STK4: variants seen among roughly 807,000 people sequenced by gnomAD.
The protein encoded by STK4 is serine/threonine kinase 4, also known as serine/threonine-protein kinase 4.
STK4 carries 30 observed loss-of-function variants against 64.9 expected under a neutral mutation model. That is an observed-to-expected ratio of 0.46 (90% CI 0.35 to 0.63). STK4 has a LOEUF of 0.63. Among genes scored for constraint, STK4 ranks in the 20% least tolerant of loss-of-function variants. STK4 has a pLI of 0.01. For missense variants in STK4, 466 were observed against 598.5 expected, an observed-to-expected ratio of 0.78 and a Z score of 2.31; for synonymous variants, 177 against 199.0, an observed-to-expected ratio of 0.89 and a Z score of 0.93.
chr20:45,054,321 T>C (rs1374898690), intron 10 of STK4, among the ~76,000 whole-genome samples: 1 of 152,168 alleles, frequency 6.6e-6, no homozygotes, highest in Non-Finnish European at 1.5e-5. Context: ...CCTAGCACTT[T>C]GAGAGGCCAA....
chr20:45,021,743 T>A lies in STK4; in HGVS notation c.1148-3230T>A, dbSNP rs78029833. Among the ~76,000 whole-genome samples, 304 of 152,376 alleles carry A rather than the reference T, an allele frequency of 2.0e-3. 1 individual carries two copies. The highest frequency in any genetic ancestry group is 6.8e-3 in the African/African-American group (282 of 41,590). On this transcript the variant is annotated intron_variant, in intron 9 of 10. Coordinates refer to ENST00000372806, the MANE Select transcript of STK4 (RefSeq NM_006282.5). ...ATATTTCTTGAGTCTTAACTATTTT[T>A]CACTTTGGTCTTTGCTTTATGCCTG...
chr20:45,008,938 C>A (rs2067997796), intron 9 of STK4, among the ~76,000 whole-genome samples: 1 of 151,816 alleles, frequency 6.6e-6, no homozygotes, highest in Non-Finnish European at 1.5e-5. Context: ...GGATATTAGA[C>A]CTTTGTTGAA....
At chr20:44,999,034 C>T (rs913899740) in intron 7 of STK4, among the ~76,000 whole-genome samples, 3 of 150,788 alleles carry the variant, frequency 2.0e-5, no homozygotes, top group African/African-American at 7.3e-5. Flanking sequence ...TGCCACTGCA[C>T]TCCAGTCTGG....
chr20:45,039,407 T>C (rs1008024112), intron 10 of STK4, among the ~76,000 whole-genome samples: 1 of 151,780 alleles, frequency 6.6e-6, no homozygotes, highest in Non-Finnish European at 1.5e-5. Context: ...CAGTGGTAGA[T>C]TCAAGTTTTC....
chr20:45,035,005 A>C (rs1384834740), intron 10 of STK4, among the ~76,000 whole-genome samples: 1 of 152,098 alleles, frequency 6.6e-6, no homozygotes, highest in Non-Finnish European at 1.5e-5. Flanking sequence ...TGTATATATA[A>C]TATAGATAAA....
At chr20:45,006,390 G>T (rs893767067) in intron 9 of STK4, among the ~76,000 whole-genome samples, 1 of 151,666 alleles carries the variant, frequency 6.6e-6, no homozygotes, top group Non-Finnish European at 1.5e-5. Flanking sequence ...GCATACGACT[G>T]CTCCGGGCTT....
At chr20:44,967,289 A>T (rs2067167261) in intron 1 of STK4, 2 of 964,262 alleles carry the variant, frequency 2.1e-6, no homozygotes, top group Non-Finnish European at 2.5e-6. Context: ...AGGAAATAAG[A>T]GGATATTTTC....
At chr20:44,982,138 A>T (rs1190805883) in intron 4 of STK4, among the ~76,000 whole-genome samples, 195 bp downstream of exon 4, 5 of 133,768 alleles carry the variant, frequency 3.7e-5, no homozygotes, top group Non-Finnish European at 6.3e-5. Context: ...TCAAGAGACC[A>T]GAGTCCCCTG....
chr20:45,052,672 G>T (rs1165269252), intron 10 of STK4, among the ~76,000 whole-genome samples: 1 of 152,132 alleles, frequency 6.6e-6, no homozygotes, highest in Non-Finnish European at 1.5e-5. Context: ...TTGAGTGTGT[G>T]AATTAAGCTG....
chr20:44,993,878 C>G (rs541208099), intron 5 of STK4, among the ~76,000 whole-genome samples: 1 of 152,018 alleles, frequency 6.6e-6, no homozygotes, highest in East Asian at 1.9e-4. Flanking sequence ...ACTTGGGAGA[C>G]TCAGTCAGGA....
rs1980447365 is a variant in STK4, at chr20:45,075,546, C to T, written c.*370C>T. ...AGACTTTTAAAAAAATATAAATATG[C>T]ATATATATATATAAATTATAAATAG... On this transcript the variant is annotated 3_prime_UTR_variant, in exon 11 of 11. Transcript: ENST00000372806. 1 of 155,694 alleles carries T rather than the reference C, an allele frequency of 6.4e-6. No individual in the cohort carries two copies. The allele number at this position is 155,694 out of a possible 1,614,324, so 9.6% of individuals were successfully genotyped here. A position where few individuals can be genotyped will look rare whatever the true frequency, so the allele number is the denominator to read the frequency against.
intron 9 of STK4, among the ~76,000 whole-genome samples, chr20:45,011,729 A>ATATATATATATT (rs60170856): frequency 5.2e-5 from 6 of 115,384 alleles, no homozygotes; most frequent in African/African-American, 2.2e-4. Flanking sequence ...ATATATATAT[A>ATATATATATATT]TTTTTTTTTT....
At chr20:45,012,081 G>A (rs974734715) in intron 9 of STK4, among the ~76,000 whole-genome samples, 8 of 150,670 alleles carry the variant, frequency 5.3e-5, no homozygotes, top group African/African-American at 2.0e-4. Flanking sequence ...CTGTCACCAG[G>A]CTAGAGTGCA....
intron 3 of STK4, among the ~76,000 whole-genome samples, chr20:44,979,216 C>G (rs78834606): frequency 1.3e-5 from 2 of 151,982 alleles, no homozygotes; most frequent in South Asian, 4.1e-4. Flanking sequence ...ATTGAGAAAA[C>G]ATTTCTGCAG....
Position 45,077,395 on chromosome 20 carries a change from C to G in STK4, c.*2219C>G, listed in dbSNP as rs1455325164. Reference sequence around the variant, plus strand: ...CGAATTAATAGTTCTGTCTCTCTCTCTCTTTCTTTTTTCTTTTTATTCTTT... The same window carrying G: ...CGAATTAATAGTTCTGTCTCTCTCTGTCTTTCTTTTTTCTTTTTATTCTTT... On this transcript the variant is annotated 3_prime_UTR_variant, in exon 11 of 11. Transcript: ENST00000372806. 1.3e-5 allele frequency: 2 copies of G among 152,116 alleles called. No individual in the cohort carries two copies. The highest frequency in any genetic ancestry group is 4.8e-5 in the African/African-American group (2 of 41,412). The allele number at this position is 152,116 out of a possible 1,614,324, so 9.4% of individuals were successfully genotyped here. A position where few individuals can be genotyped will look rare whatever the true frequency, so the allele number is the denominator to read the frequency against.
chr20:44,977,951 TG>T (rs1485080077), intron 2 of STK4, among the ~76,000 whole-genome samples: 2 of 152,218 alleles, frequency 1.3e-5, no homozygotes, highest in African/African-American at 4.8e-5. Context: ...CCAGTATAGA[TG>T]GGGAGACAAC....
chr20:45,064,604 T>G (rs1350924492), intron 10 of STK4, among the ~76,000 whole-genome samples: 1 of 151,978 alleles, frequency 6.6e-6, no homozygotes, highest in African/African-American at 2.4e-5. Flanking sequence ...TTTGATTTCT[T>G]TGAGCACTGT....
At chr20:44,966,721 C>T in intron 1 of STK4, 118 bp downstream of exon 1, 1 of 1,146,628 alleles carries the variant, frequency 8.7e-7, no homozygotes, top group East Asian at 3.2e-5. Flanking sequence ...GCCGATGGGG[C>T]ACCTGCTGAG....
chr20:44,977,962 C>T (rs1024787719), intron 2 of STK4, among the ~76,000 whole-genome samples: 3 of 152,184 alleles, frequency 2.0e-5, no homozygotes, highest in African/African-American at 2.4e-5. Context: ...GGGGAGACAA[C>T]GTAAGCTTTG....
Sources: gnomAD v4.1 joint callset for allele counts (sites outside exome capture counted in the v4.1 genomes callset) on GRCh38, gnomAD v4.1.1 for gene constraint, MANE v1.5 for transcripts, NCBI Gene and HGNC (gene_info 2026-07-23, HGNC 2026-07-21) for gene names.